ZFP91: variants seen among roughly 807,000 people sequenced by gnomAD.
ZFP91 encodes the protein E3 ubiquitin-protein ligase ZFP91.
A neutral mutation model predicts 63.5 loss-of-function variants in ZFP91; 7 were observed. The observed-to-expected ratio is 0.11, with a 90% CI of 0.06 to 0.21. The LOEUF (loss-of-function observed/expected upper bound fraction) is 0.21. Ranked by LOEUF, ZFP91 falls within the 10% of genes least tolerant of loss-of-function variation. ZFP91 has a pLI of 1.00. For synonymous variants in ZFP91, 330 were observed against 272.1 expected (o/e 1.21, Z -2.10); for missense variants, 628 against 736.6 (o/e 0.85, Z 1.71).
intron 1 of ZFP91, among the ~76,000 whole-genome samples, chr11:58,582,385 A>T (rs1855133169): frequency 6.6e-6 from 1 of 152,168 alleles, no homozygotes; most frequent in Non-Finnish European, 1.5e-5. Context: ...CATTTTGAAA[A>T]TTTTAAAAAG....
At chr11:58,593,098 A>T (rs371783180) in intron 2 of ZFP91, among the ~76,000 whole-genome samples, 1 of 152,220 alleles carries the variant, frequency 6.6e-6, no homozygotes, top group South Asian at 2.1e-4. Flanking sequence ...CCCACATCCA[A>T]TATTAGGGAT....
rs150583715 is a variant in ZFP91, at chr11:58,617,697, C to T, written c.1704C>T (p.Ala568=). The stretch of plus-strand genomic sequence containing the variant: ...TTCTGATTGAAGATTCAGACTCTGC[C>T]GGACCTTAGTGGACAGGAAGACTTG... The part of the protein sequence containing the change: ...TEVLIEDSDS[A]GP The change falls in exon 11 of 11, where the codon GCC becomes GCT. Residue 568 remains alanine (A), a synonymous_variant. Transcript: ENST00000316059. The surrounding 1 kb of genome is among the most constrained non-coding windows in gnomAD (Gnocchi z 4.2). The T allele has an allele frequency of 5.5e-5, 83 of 1,503,802 alleles. No individual in the cohort carries two copies. In the East Asian group the frequency reaches 1.3e-3, roughly 23 times the overall value. The allele number at this position is 1,503,802 out of a possible 1,614,324, so 93.2% of individuals were successfully genotyped here.
rs545069752 is a variant in ZFP91, at chr11:58,598,313, T to C, written c.371-11517T>C. Among the ~76,000 whole-genome samples, 6 of 152,252 alleles carry C rather than the reference T, an allele frequency of 3.9e-5. No homozygotes were observed. The East Asian group carries it at 7.7e-4, about 20-fold the overall frequency. ...ATCTATAGTTTATGCATTCATGACA[T>C]AACTTAATTTTTCAATATTTCTAGG... is the stretch of plus-strand genomic sequence containing the variant. On this transcript the variant is annotated intron_variant, in intron 2 of 10. Coordinates refer to ENST00000316059, the MANE Select transcript of ZFP91 (RefSeq NM_053023.5).
rs75706301 is a variant in ZFP91 at position 58,589,772 on chromosome 11, G to A, written c.370+4888G>A. ...GGGTATGGCCCAGATCCTTTAATCCGTATTGCTAGTTCAGACATCCAAACC... is the reference window on the plus strand; with the variant it reads ...GGGTATGGCCCAGATCCTTTAATCCATATTGCTAGTTCAGACATCCAAACC... On this transcript the variant is annotated intron_variant, in intron 2 of 10. Transcript: ENST00000316059. 3.2e-3 allele frequency among the ~76,000 whole-genome samples: 489 copies of A among 152,154 alleles called. 2 individuals are homozygous for A. Among genetic ancestry groups the A allele is most frequent in the African/African-American group, 0.011 (471 of 41,510 alleles).
chr11:58,579,305 G>A lies in ZFP91; in HGVS notation c.24G>A (p.Pro8=). ...CGATGCCGGGGGAGACGGAAGAGCC[G>A]AGACCCCCGGAGCAGCAGGACCAGG... MPGETEE[P]RPPEQQDQEG... is the part of the protein sequence containing the mutation. The change falls in exon 1 of 11, where the codon CCG becomes CCA. Residue 8 remains proline, a synonymous_variant. Transcript: ENST00000316059. 4 of 1,483,296 alleles carry A rather than the reference G, an allele frequency of 2.7e-6. No individual in the cohort carries two copies. The highest frequency in any genetic ancestry group is 1.3e-5 in the South Asian group (1 of 78,046). The allele number at this position is 1,483,296 out of a possible 1,614,324, so 91.9% of individuals were successfully genotyped here.
intron 2 of ZFP91, among the ~76,000 whole-genome samples, chr11:58,598,445 T>C (rs1855439458): frequency 1.3e-5 from 2 of 152,130 alleles, no homozygotes; most frequent in Non-Finnish European, 2.9e-5. Context: ...AGTTCAAAGC[T>C]TTGTTGTTCA....
chr11:58,610,257 T>A, intron 3 of ZFP91, 41 bp from the exon 4 acceptor site: 1 of 1,580,674 alleles, frequency 6.3e-7, no homozygotes, highest in Non-Finnish European at 8.6e-7. Flanking sequence ...ATATCTTATA[T>A]CTACACTAAT....
chr11:58,579,713 C>T (rs1242172485), intron 1 of ZFP91, 91 bp downstream of exon 1: 3 of 1,247,412 alleles, frequency 2.4e-6, no homozygotes, highest in East Asian at 3.0e-5. Flanking sequence ...CACGTGACAT[C>T]CTGCCTGGTC....
In ZFP91 at chr11:58,579,531, C is replaced by T. The variant is rs950350094; in HGVS notation, c.250C>T (p.Pro84Ser). ...AEYPRRRRSS[P>S]SARPPDVPGQ... ...GTATCCCCGCCGGCGGAGGAGCAGC[C>T]CCAGCGCCAGGCCTCCCGACGTCCC... The change falls in exon 1 of 11, where the codon CCC (proline) becomes TCC (serine). Residue 84 changes from proline to serine, a missense_variant. Coordinates refer to ENST00000316059, the MANE Select transcript of ZFP91 (RefSeq NM_053023.5). The T allele has an allele frequency of 7.6e-6, 12 of 1,575,340 alleles. 1 individual carries two copies. The highest frequency in any genetic ancestry group is 1.1e-5 in the South Asian group (1 of 87,600).
Position 58,617,695 on chromosome 11 carries a change from G to T in ZFP91, c.1702G>T (p.Ala568Ser), listed in dbSNP as rs376871246. 15 of 1,505,506 alleles carry T rather than the reference G, an allele frequency of 1.0e-5. No individual in the cohort carries two copies. Among genetic ancestry groups the T allele is most frequent in the South Asian group, 1.4e-5 (1 of 73,092 alleles). The allele number at this position is 1,505,506 out of a possible 1,614,324, so 93.3% of individuals were successfully genotyped here. A position where few individuals can be genotyped will look rare whatever the true frequency, so the allele number is the denominator to read the frequency against. Residue 568 changes from alanine to serine, a missense_variant, in exon 11 of 11, where the codon GCC becomes TCC. Physicochemically the swap from Ala to Ser is moderately conservative, Grantham distance 99. This residue lies in a region of ZFP91 where 115 missense variants were observed against 125.4 expected (regional missense o/e 0.92). Transcript: ENST00000316059. This position sits in a 1 kb window ranked among gnomAD's most constrained non-coding sequence, Gnocchi z 4.2. ...TEVLIEDSDS[A>S]GP is the part of the protein sequence containing the mutation. ...GGTTCTGATTGAAGATTCAGACTCT[G>T]CCGGACCTTAGTGGACAGGAAGACT...
chr11:58,609,900 A>G lies in ZFP91; in HGVS notation c.441A>G (p.Arg147=). The G allele has an allele frequency of 6.2e-7, 1 of 1,614,178 alleles. No homozygotes were observed. Among genetic ancestry groups the G allele is most frequent in the Non-Finnish European group, 8.5e-7 (1 of 1,180,034 alleles). Reference sequence around the variant, plus strand: ...AGGAAGTTTCCATTGCTGCATCTAGACCTAGCCGGGGCTGGCGTAGTAGTA... The same window carrying G: ...AGGAAGTTTCCATTGCTGCATCTAGGCCTAGCCGGGGCTGGCGTAGTAGTA... The part of the protein sequence containing the change: ...LPQEVSIAAS[R]PSRGWRSSRT... Residue 147 remains arginine, a synonymous_variant, in exon 3 of 11, where the codon AGA becomes AGG. Coordinates refer to ENST00000316059, the MANE Select transcript of ZFP91 (RefSeq NM_053023.5).
chr11:58,610,344 A>C lies in ZFP91; in HGVS notation c.617+10A>C. On this transcript the variant is annotated intron_variant, in intron 4 of 10. Transcript: ENST00000316059. ...CTCCAGGTGGCATTAGGTAAAAAAAACATTAATATTTCATTTTTAAACCTT... is the reference window on the plus strand; with the variant it reads ...CTCCAGGTGGCATTAGGTAAAAAAACCATTAATATTTCATTTTTAAACCTT... 6.3e-7 allele frequency: 1 copy of C among 1,583,030 alleles called. No individual in the cohort carries two copies. Among genetic ancestry groups the C allele is most frequent in the Non-Finnish European group, 8.5e-7 (1 of 1,170,266 alleles).
At position 58,618,379 on chromosome 11, in the gene ZFP91, A is replaced by G. The variant is rs557925765; in HGVS notation, c.*673A>G. 34 of 265,284 alleles carry G rather than the reference A, an allele frequency of 1.3e-4. No homozygotes were observed. Among genetic ancestry groups the G allele is most frequent in the African/African-American group, 1.8e-4 (8 of 43,680 alleles). 16.4% of individuals were successfully genotyped at this position (265,284 alleles called of 1,614,324 possible). A position where few individuals can be genotyped will look rare whatever the true frequency, so the allele number is the denominator to read the frequency against. On this transcript the variant is annotated 3_prime_UTR_variant, in exon 11 of 11. Coordinates refer to ENST00000316059, the MANE Select transcript of ZFP91 (RefSeq NM_053023.5). ...CTCCCAACCCTCCATATGGCTCTCA[A>G]TGGTGCTCACTTGCTTGGAAGCAGG...
intron 2 of ZFP91, among the ~76,000 whole-genome samples, chr11:58,593,313 A>T (rs1318140539): frequency 2.0e-5 from 3 of 152,234 alleles, no homozygotes; most frequent in Admixed American, 1.3e-4. Context: ...ATGAAACTGC[A>T]TGGGTCCCCT....
intron 1 of ZFP91, among the ~76,000 whole-genome samples, chr11:58,581,788 T>A (rs951395322): frequency 6.6e-6 from 1 of 152,224 alleles, no homozygotes; most frequent in African/African-American, 2.4e-5. Context: ...TCCATATAAC[T>A]GTTACTGTTG....
intron 3 of ZFP91, 115 bp from the exon 4 acceptor site, chr11:58,610,183 T>G (rs1855635847): frequency 1.4e-6 from 2 of 1,420,378 alleles, no homozygotes; most frequent in Non-Finnish European, 1.9e-6. Context: ...TTTGCAGATA[T>G]TCTGCTTTTG....
chr11:58,587,197 C>T (rs543967389), intron 2 of ZFP91, among the ~76,000 whole-genome samples: 1 of 151,936 alleles, frequency 6.6e-6, no homozygotes, highest in Non-Finnish European at 1.5e-5. Context: ...CTTTTTTAAC[C>T]GTGATTGGTG....
chr11:58,597,288 T>C lies in ZFP91; in HGVS notation c.370+12404T>C, dbSNP rs573194143. On this transcript the variant is annotated intron_variant, in intron 2 of 10. Coordinates refer to ENST00000316059, the MANE Select transcript of ZFP91 (RefSeq NM_053023.5). The stretch of plus-strand genomic sequence containing the variant: ...ACTGCTTTTACACAAAACAGTGGAG[T>C]TAGCCTATCCTTTCCTGCTTTAAAT... Among the ~76,000 whole-genome samples, 3 of 152,244 alleles carry C rather than the reference T, an allele frequency of 2.0e-5. No individual in the cohort carries two copies. The South Asian group carries it at 6.2e-4, about 32-fold the overall frequency.
At chr11:58,595,873 C>A (rs1048285093) in intron 2 of ZFP91, among the ~76,000 whole-genome samples, 15 of 152,068 alleles carry the variant, frequency 9.9e-5, no homozygotes, top group African/African-American at 3.6e-4. Context: ...GCACGCCTGG[C>A]CTAGCATTAA....
Sources: allele counts gnomAD v4.1 joint callset (sites outside exome capture counted in the v4.1 genomes callset), GRCh38; gene constraint gnomAD v4.1.1; regional missense constraint gnomAD v4.1.1; non-coding constraint Gnocchi (gnomAD v3.1); transcripts MANE v1.5; gene names NCBI Gene and HGNC (gene_info 2026-07-23, HGNC 2026-07-21).